CMIP: variants seen among roughly 807,000 people sequenced by gnomAD.
CMIP encodes C-Maf-inducing protein.
Under a neutral mutation model 97.3 loss-of-function variants are expected in CMIP, and 13 were observed. The observed-to-expected ratio is 0.13, with a 90% CI of 0.09 to 0.21. CMIP has a LOEUF of 0.21. Ranked by LOEUF, CMIP falls within the 10% of genes least tolerant of loss-of-function variation. The pLI is 1.00. For synonymous variants in CMIP, 538 were observed against 436.3 expected, an observed-to-expected ratio of 1.23 and a Z score of -2.91; for missense variants, 847 against 1,024.9, an observed-to-expected ratio of 0.83 and a Z score of 2.37.
At chr16:81,489,065 G>C (rs1185240689) in intron 1 of CMIP, among the ~76,000 whole-genome samples, 1 of 150,650 alleles carries the variant, frequency 6.6e-6, no homozygotes, top group East Asian at 2.0e-4. Flanking sequence ...TTTTCAGTTT[G>C]ATTGTCTGCT....
At chr16:81,553,636 C>T (rs1423985109) in intron 1 of CMIP, among the ~76,000 whole-genome samples, 1 of 152,190 alleles carries the variant, frequency 6.6e-6, no homozygotes, top group Non-Finnish European at 1.5e-5. Context: ...TAAACACAGC[C>T]TGGAGAGGAA....
chr16:81,636,194 A>G (rs1001529547), intron 3 of CMIP, among the ~76,000 whole-genome samples: 6 of 146,490 alleles, frequency 4.1e-5, no homozygotes, highest in African/African-American at 1.5e-4. Flanking sequence ...AATTTTTCAA[A>G]GAACATGCAC....
intron 19 of CMIP, 32 bp from the exon 20 acceptor site, chr16:81,706,982 T>C (rs771809931): frequency 1.2e-6 from 2 of 1,603,142 alleles, no homozygotes; most frequent in South Asian, 1.1e-5. Flanking sequence ...GGGGCCTCGC[T>C]CTCCTAACAA....
intron 1 of CMIP, among the ~76,000 whole-genome samples, chr16:81,460,866 C>T (rs779321705): frequency 1.3e-4 from 20 of 152,174 alleles, no homozygotes; most frequent in Non-Finnish European, 2.5e-4. Context: ...TGGTAGTGGC[C>T]ATTTCTTTGC....
chr16:81,676,051 C>G (rs535791257), intron 9 of CMIP, among the ~76,000 whole-genome samples: 111 of 152,284 alleles, frequency 7.3e-4, no homozygotes, highest in African/African-American at 2.6e-3. Context: ...TCCCCTCTGG[C>G]TGCTGCTGTG....
rs763521866 is a variant in CMIP at position 81,652,422 on chromosome 16, G to A, written c.639+58G>A. The A allele has an allele frequency of 9.1e-5, 132 of 1,450,940 alleles. No homozygotes were observed. Among genetic ancestry groups the A allele is most frequent in the Admixed American group, 2.8e-4 (15 of 53,344 alleles). The allele number at this position is 1,450,940 out of a possible 1,614,324, so 89.9% of individuals were successfully genotyped here. ...TTTGCCTTTCCCTCCACCGATCACC[G>A]GCTCCATGCCAAGCAGCAGGCGCAG... On this transcript the variant is annotated intron_variant, in intron 4 of 20. Transcript: ENST00000537098. The surrounding 1 kb of genome is among the most constrained non-coding windows in gnomAD (Gnocchi z 5.2).
At chr16:81,517,337 C>T (rs1017221650) in intron 1 of CMIP, among the ~76,000 whole-genome samples, 2 of 152,182 alleles carry the variant, frequency 1.3e-5, no homozygotes, top group Non-Finnish European at 2.9e-5. Flanking sequence ...TGTCTTAGTA[C>T]ATTGATTCTG....
At chr16:81,680,429 G>A (rs940167352) in intron 10 of CMIP, among the ~76,000 whole-genome samples, 2 of 152,200 alleles carry the variant, frequency 1.3e-5, no homozygotes, top group Non-Finnish European at 2.9e-5. Context: ...GCGCACACAC[G>A]TTCACAAGGT....
chr16:81,596,729 G>T (rs115906741), intron 1 of CMIP, among the ~76,000 whole-genome samples: 1,757 of 152,178 alleles, frequency 0.012, 37 homozygotes, highest in African/African-American at 0.04. Flanking sequence ...ACCATGTCCT[G>T]GTTTTCCCAG....
chr16:81,666,305 G>A (rs1443613049), intron 7 of CMIP: 2 of 152,172 alleles, frequency 1.3e-5, no homozygotes, highest in Non-Finnish European at 2.9e-5. Context: ...CCACACCCCC[G>A]GGACATACTT....
chr16:81,539,496 C>T (rs765703258), intron 1 of CMIP, among the ~76,000 whole-genome samples: 5 of 152,212 alleles, frequency 3.3e-5, no homozygotes, highest in African/African-American at 4.8e-5. Flanking sequence ...CACATCTCTG[C>T]TCAAGAATCC....
At chr16:81,707,839 G>A (rs2151110942) in intron 20 of CMIP, among the ~76,000 whole-genome samples, 1 of 152,364 alleles carries the variant, frequency 6.6e-6, no homozygotes, top group South Asian at 2.1e-4. Context: ...TCCTGGGAGA[G>A]AAGGGCTGGG....
At chr16:81,461,440 G>A (rs1219066857) in intron 1 of CMIP, among the ~76,000 whole-genome samples, 1 of 152,142 alleles carries the variant, frequency 6.6e-6, no homozygotes, top group Non-Finnish European at 1.5e-5. Flanking sequence ...CTTGACCGTG[G>A]TAGACATTGC....
At chr16:81,671,057 G>C (rs1306513714) in intron 8 of CMIP, among the ~76,000 whole-genome samples, 1 of 152,166 alleles carries the variant, frequency 6.6e-6, no homozygotes, top group African/African-American at 2.4e-5. Flanking sequence ...TTGAACTCCT[G>C]ACCTCAGGTG....
chr16:81,508,423 G>T (rs74759140), intron 1 of CMIP, among the ~76,000 whole-genome samples: 24 of 152,352 alleles, frequency 1.6e-4, no homozygotes, highest in African/African-American at 5.5e-4. Flanking sequence ...CAATAGTGAG[G>T]AATGGTTGCA....
Position 81,702,686 on chromosome 16 carries a change from C to G in CMIP, c.1944+17C>G, listed in dbSNP as rs542402346. Reference sequence around the variant, plus strand: ...AAGTCCACAGTGAGTTGGTTTGGTTCTCTTTGGGGCTGGATGGAGAAGGTG... The same window carrying G: ...AAGTCCACAGTGAGTTGGTTTGGTTGTCTTTGGGGCTGGATGGAGAAGGTG... On this transcript the variant is annotated intron_variant, in intron 17 of 20. Transcript: ENST00000537098. 9 of 1,610,658 alleles carry G rather than the reference C, an allele frequency of 5.6e-6. No individual in the cohort carries two copies. In the East Asian group the frequency reaches 2.0e-4, roughly 36 times the overall value.
Position 81,616,155 on chromosome 16 carries a change from T to A in CMIP, c.427-4721T>A, listed in dbSNP as rs2091915208. On this transcript the variant is annotated intron_variant, in intron 2 of 20. Transcript: ENST00000537098. The surrounding 1 kb of genome is among the most constrained non-coding windows in gnomAD (Gnocchi z 4.7). Reference sequence around the variant, plus strand: ...ATGTCATTAATTCATTCAGCTGTATTTTTTTTTTTTTTTTTTTAACACCAG... The same window carrying A: ...ATGTCATTAATTCATTCAGCTGTATATTTTTTTTTTTTTTTTTAACACCAG... Among the ~76,000 whole-genome samples the A allele has an allele frequency of 1.2e-5, 1 of 84,938 alleles. No homozygotes were observed. Among genetic ancestry groups the A allele is most frequent in the Admixed American group, 1.1e-4 (1 of 9,190 alleles). 55.7% of individuals were successfully genotyped at this position (84,938 alleles called of 152,430 possible).
intron 13 of CMIP, among the ~76,000 whole-genome samples, chr16:81,693,872 A>T (rs1425480659): frequency 1.3e-5 from 2 of 152,004 alleles, no homozygotes; most frequent in Non-Finnish European, 2.9e-5. Flanking sequence ...CTGGGTTTTT[A>T]TTTCCCGGTC....
chr16:81,627,619 G>A lies in CMIP; in HGVS notation c.477+6693G>A, dbSNP rs11646313. On this transcript the variant is annotated intron_variant, in intron 3 of 20. Transcript: ENST00000537098. The surrounding 1 kb of genome is among the most constrained non-coding windows in gnomAD (Gnocchi z 4.6). ...CGGCTCTGGCCACGGAGTGTCCCCT[G>A]TGTCCAGCACTATGTGCCCCTGTGC... Among the ~76,000 whole-genome samples the A allele has an allele frequency of 0.019, 2,778 of 143,670 alleles. 49 individuals are homozygous for A. The highest frequency in any genetic ancestry group is 0.029 in the Non-Finnish European group (1,862 of 64,886). 94.3% of individuals were successfully genotyped at this position (143,670 alleles called of 152,430 possible). A position where few individuals can be genotyped will look rare whatever the true frequency, so the allele number is the denominator to read the frequency against.
Sources: allele counts gnomAD v4.1 joint callset (sites outside exome capture counted in the v4.1 genomes callset), GRCh38; gene constraint gnomAD v4.1.1; non-coding constraint Gnocchi (gnomAD v3.1); transcripts MANE v1.5; gene names NCBI Gene and HGNC (gene_info 2026-07-23, HGNC 2026-07-21).